Variants in MYO18A observed in about 807,000 individuals in gnomAD.
MYO18A encodes the protein myosin XVIIIA, also known as unconventional myosin-XVIIIa.
A neutral mutation model predicts 235.8 loss-of-function variants in MYO18A; 78 were observed. The observed-to-expected ratio is 0.33, with a 90% CI of 0.28 to 0.40. The LOEUF is 0.40. MYO18A is among the 10% of genes least tolerant of loss of function. MYO18A has a pLI of 1.00. For synonymous variants in MYO18A, 977 were observed against 1,077.8 expected (o/e 0.91, Z 1.83); for missense variants, 2,215 against 2,699.3 (o/e 0.82, Z 3.98).
At chr17:29,143,062 C>T (rs191067467) in intron 2 of MYO18A, among the ~76,000 whole-genome samples, 26 of 152,326 alleles carry the variant, frequency 1.7e-4, no homozygotes, top group African/African-American at 6.0e-4. Flanking sequence ...CCCGCCTTGG[C>T]CTCCCAAAGT....
rs928085208 is a variant in MYO18A at position 29,140,390 on chromosome 17, G to T, written c.1000-18137C>A. The T allele has an allele frequency of 5.5e-6, 7 of 1,284,264 alleles. No individual in the cohort carries two copies. Among genetic ancestry groups the T allele is most frequent in the Non-Finnish European group, 7.1e-6 (7 of 986,452 alleles). 79.6% of individuals were successfully genotyped at this position (1,284,264 alleles called of 1,614,324 possible). A position where few individuals can be genotyped will look rare whatever the true frequency, so the allele number is the denominator to read the frequency against. ...CAGAGCAAGGAGACTCCGCTCTGAT[G>T]CTGCTCTGGCTCCGTTAGCAGCTCA... On this transcript the variant is annotated intron_variant, in intron 2 of 41. Transcript: ENST00000527372. The surrounding 1 kb of genome is among the most constrained non-coding windows in gnomAD (Gnocchi z 4.2).
At chr17:29,110,258 C>T (rs959267582) in intron 18 of MYO18A, among the ~76,000 whole-genome samples, 157 bp from the exon 19 acceptor site, 5 of 152,174 alleles carry the variant, frequency 3.3e-5, no homozygotes, top group Admixed American at 6.5e-5. Context: ...CGCCGGGCCT[C>T]GGTGGCCACT....
chr17:29,173,675 C>T (rs192988946), intron 1 of MYO18A, among the ~76,000 whole-genome samples: 9 of 151,988 alleles, frequency 5.9e-5, no homozygotes, highest in South Asian at 2.1e-4. Context: ...CGTGAGCCAC[C>T]GCACCCGGCC....
At chr17:29,089,722 T>C (rs1033981974) in intron 37 of MYO18A, among the ~76,000 whole-genome samples, 3 of 152,214 alleles carry the variant, frequency 2.0e-5, no homozygotes, top group African/African-American at 4.8e-5. Context: ...TAAGCTGCTC[T>C]GGTCCCTTGG....
intron 41 of MYO18A, chr17:29,075,285 G>A (rs1019623628): frequency 2.8e-5 from 6 of 212,534 alleles, no homozygotes; most frequent in Admixed American, 1.0e-4. Context: ...CAGGCAGTCC[G>A]TGAACCACAT....
chr17:29,107,380 A>AG (rs2066815203), intron 19 of MYO18A, 191 bp from the exon 20 acceptor site: 1 of 584,298 alleles, frequency 1.7e-6, no homozygotes, highest in African/African-American at 1.9e-5. Flanking sequence ...GAAGGTCAGG[A>AG]GGACAATCAG....
chr17:29,164,552 C>T (rs185639509), intron 2 of MYO18A, among the ~76,000 whole-genome samples: 305 of 152,300 alleles, frequency 2.0e-3, no homozygotes, highest in Non-Finnish European at 3.6e-3. Flanking sequence ...CTGCCTGTTT[C>T]CTCCCATTAG....
In MYO18A at chr17:29,137,633, T is replaced by C. The variant is rs1393866863; in HGVS notation, c.1000-15380A>G. 2.0e-5 allele frequency among the ~76,000 whole-genome samples: 3 copies of C among 152,342 alleles called. No individual in the cohort carries two copies. In the East Asian group the frequency reaches 5.8e-4, roughly 29 times the overall value. The stretch of plus-strand genomic sequence containing the variant: ...CAAAGATTTTTATAGATGCACTCTA[T>C]ATAACAGCTCCAAATTGGAAAGAGC... On this transcript the variant is annotated intron_variant, in intron 2 of 41. Coordinates refer to ENST00000527372, the MANE Select transcript of MYO18A (RefSeq NM_078471.4).
At chr17:29,093,927 C>T (rs1279547930) in intron 31 of MYO18A, 53 bp downstream of exon 31, 11 of 1,326,260 alleles carry the variant, frequency 8.3e-6, no homozygotes, top group Middle Eastern at 3.6e-4. Flanking sequence ...TACTTTAAAG[C>T]GGTGATGGGA....
intron 41 of MYO18A, among the ~76,000 whole-genome samples, 188 bp downstream of exon 41, chr17:29,082,128 T>G (rs2066136788): frequency 6.6e-6 from 1 of 152,006 alleles, no homozygotes; most frequent in East Asian, 1.9e-4. Context: ...CTGGAAAAAA[T>G]AAGGGCGACG....
intron 21 of MYO18A, among the ~76,000 whole-genome samples, chr17:29,102,168 G>C (rs2066669376): frequency 6.6e-6 from 1 of 152,230 alleles, no homozygotes; most frequent in Non-Finnish European, 1.5e-5. Context: ...CCTCAGCCGG[G>C]CACCTGGCAT....
At chr17:29,083,506 C>CCCCACACA (rs1555622298) in intron 40 of MYO18A, among the ~76,000 whole-genome samples, 1 of 75,922 alleles carries the variant, frequency 1.3e-5, no homozygotes, top group East Asian at 1.8e-3. Flanking sequence ...AAATAAACAG[C>CCCCACACA]CACACAGGCA....
At chr17:29,080,122 C>G (rs1050043256) in intron 41 of MYO18A, 1 of 985,972 alleles carries the variant, frequency 1.0e-6, no homozygotes, top group Middle Eastern at 5.2e-4. Context: ...AGAGGCGGAG[C>G]GGCGGATGCT....
chr17:29,166,569 G>A lies in MYO18A; in HGVS notation c.372C>T (p.Phe124=), dbSNP rs1307866042. 1 of 1,613,798 alleles carries A rather than the reference G, an allele frequency of 6.2e-7. No homozygotes were observed. The highest frequency in any genetic ancestry group is 1.7e-5 in the Admixed American group (1 of 60,018). The change falls in exon 2 of 42, where the codon TTC becomes TTT. Residue 124 remains phenylalanine (F), a synonymous_variant. Coordinates refer to ENST00000527372, the MANE Select transcript of MYO18A (RefSeq NM_078471.4). ...GTGAGTTCTGCTTGGCCAGTGAGCC[G>A]AACTTGGCTGCCCGCTGCAGCACCG... ...RGSVLQRAAK[F]GSLAKQNSQM...
Position 29,105,568 on chromosome 17 carries a change from A to C in MYO18A, c.3441+1512T>G, listed in dbSNP as rs536022614. On this transcript the variant is annotated intron_variant, in intron 20 of 41. Transcript: ENST00000527372. ...GAGGGACCCTCCCCACCAAGACAGA[A>C]GGGGTACGGGAAGAAGGAGGCTAGG... is the stretch of plus-strand genomic sequence containing the variant. Among the ~76,000 whole-genome samples, 20 of 152,238 alleles carry C rather than the reference A, an allele frequency of 1.3e-4. No individual in the cohort carries two copies. The South Asian group carries it at 3.7e-3, about 28-fold the overall frequency.
At chr17:29,156,778 T>C (rs1003622038) in intron 2 of MYO18A, among the ~76,000 whole-genome samples, 1 of 152,198 alleles carries the variant, frequency 6.6e-6, no homozygotes, top group African/African-American at 2.4e-5. Flanking sequence ...GGACCTGACA[T>C]GGTCTGGGAG....
At chr17:29,081,191 T>A (rs1238151682) in intron 41 of MYO18A, among the ~76,000 whole-genome samples, 1 of 152,174 alleles carries the variant, frequency 6.6e-6, no homozygotes, top group Non-Finnish European at 1.5e-5. Context: ...TCGGAGGAAA[T>A]GAAGCAAAAT....
At chr17:29,133,326 G>A (rs950488551) in intron 2 of MYO18A, among the ~76,000 whole-genome samples, 1 of 152,240 alleles carries the variant, frequency 6.6e-6, no homozygotes, top group African/African-American at 2.4e-5. Flanking sequence ...CACACACACA[G>A]GCAGTCCCAA....
Position 29,107,085 on chromosome 17 carries a change from T to C in MYO18A, c.3436A>G (p.Arg1146Gly). The part of the protein sequence containing the change: ...HGRNYIVVDE[R>G]RAVEELLECL... ...GTCTGGGGACCTGGACCTACCCGCC[T>C]TTCATCCACCACGATGTAGTTACGC... Residue 1146 changes from arginine to glycine, a missense_variant, in exon 20 of 42, where the codon AGG (arginine) becomes GGG (glycine). Coordinates refer to ENST00000527372, the MANE Select transcript of MYO18A (RefSeq NM_078471.4). 1.9e-6 allele frequency: 3 copies of C among 1,613,948 alleles called. No homozygotes were observed. The African/African-American group carries it at 4.0e-5, about 22-fold the overall frequency.
Sources: gnomAD v4.1 joint callset for allele counts (sites outside exome capture counted in the v4.1 genomes callset) on GRCh38, gnomAD v4.1.1 for gene constraint, Gnocchi (gnomAD v3.1) non-coding constraint, MANE v1.5 for transcripts, NCBI Gene and HGNC (gene_info 2026-07-23, HGNC 2026-07-21) for gene names.